ASCC3: variants seen among roughly 807,000 people sequenced by gnomAD.
The protein encoded by ASCC3 is activating signal cointegrator 1 complex subunit 3, also known as ASC-1 complex subunit P200.
A neutral mutation model predicts 256.3 loss-of-function variants in ASCC3; 158 were observed. That is an observed-to-expected ratio of 0.62 (90% CI 0.54 to 0.70). The LOEUF (loss-of-function observed/expected upper bound fraction) is 0.70. Among genes scored for constraint, ASCC3 ranks in the 30% least tolerant of loss-of-function variants. The pLI is 0.00. For missense variants in ASCC3, 2,259 were observed against 2,626.0 expected (o/e 0.86, Z 3.05); for synonymous variants, 948 against 883.4 (o/e 1.07, Z -1.30).
chr6:100,872,540 G>C (rs1425560226), intron 1 of ASCC3, among the ~76,000 whole-genome samples: 1 of 151,998 alleles, frequency 6.6e-6, no homozygotes, highest in Non-Finnish European at 1.5e-5. Context: ...ACCGTGTGGA[G>C]TCTTGCATTG....
At chr6:100,788,139 A>G (rs1769180236) in intron 8 of ASCC3, among the ~76,000 whole-genome samples, 1 of 152,002 alleles carries the variant, frequency 6.6e-6, no homozygotes, top group African/African-American at 2.4e-5. Context: ...AAAACAAATT[A>G]CTCAATTAAA....
chr6:100,540,446 T>A, intron 36 of ASCC3, 59 bp from the exon 37 acceptor site: 1 of 1,354,020 alleles, frequency 7.4e-7, no homozygotes, highest in Non-Finnish European at 1.0e-6. Context: ...AATGTACTTC[T>A]TAGCTTTACT....
In ASCC3 at chr6:100,823,652, T is replaced by A. The variant is rs144269946; in HGVS notation, c.802-17772A>T. Among the ~76,000 whole-genome samples the A allele has an allele frequency of 1.1e-4, 16 of 152,290 alleles. 1 individual carries two copies. The highest frequency in any genetic ancestry group is 3.6e-4 in the African/African-American group (15 of 41,550). On this transcript the variant is annotated intron_variant, in intron 4 of 41. Coordinates refer to ENST00000369162, the MANE Select transcript of ASCC3 (RefSeq NM_006828.4). ...GCCTTATTCTTAAAATTAAATTTTT[T>A]AAGTAGTTTTTCATAAAATTCATGA...
At chr6:100,774,982 T>C (rs1021410543) in intron 8 of ASCC3, among the ~76,000 whole-genome samples, 1 of 151,778 alleles carries the variant, frequency 6.6e-6, no homozygotes, top group African/African-American at 2.4e-5. Context: ...TGAAAAGGAG[T>C]AGCAAAGATG....
chr6:100,850,098 C>CAAAAAAAAAA (rs61582863), intron 3 of ASCC3, among the ~76,000 whole-genome samples: 25 of 80,610 alleles, frequency 3.1e-4, no homozygotes, highest in Admixed American at 5.0e-4. Flanking sequence ...GAGACTCTAT[C>CAAAAAAAAAA]AAAAAAAAAA....
intron 39 of ASCC3, among the ~76,000 whole-genome samples, chr6:100,513,267 T>C (rs1165355470): frequency 6.6e-6 from 1 of 152,188 alleles, no homozygotes; most frequent in Non-Finnish European, 1.5e-5. Context: ...TTTGTAAAAA[T>C]AACTAAAAGA....
intron 10 of ASCC3, among the ~76,000 whole-genome samples, chr6:100,764,916 A>G (rs908832909): frequency 6.6e-6 from 1 of 152,178 alleles, no homozygotes; most frequent in Non-Finnish European, 1.5e-5. Flanking sequence ...AATTAAGGAA[A>G]GGTTGTTAAG....
intron 8 of ASCC3, among the ~76,000 whole-genome samples, chr6:100,777,174 T>C (rs370683127): frequency 2.0e-4 from 31 of 152,300 alleles, no homozygotes; most frequent in African/African-American, 7.0e-4. Flanking sequence ...GATTTTCTTT[T>C]AGATAACTGG....
chr6:100,701,852 C>T (rs1051510778), intron 13 of ASCC3, among the ~76,000 whole-genome samples: 4 of 151,846 alleles, frequency 2.6e-5, no homozygotes, highest in Non-Finnish European at 5.9e-5. Context: ...ATGTGTGAGT[C>T]ATAGGGAACA....
At chr6:100,550,256 G>C (rs1266992486) in intron 36 of ASCC3, among the ~76,000 whole-genome samples, 1 of 151,722 alleles carries the variant, frequency 6.6e-6, no homozygotes, top group African/African-American at 2.4e-5. Context: ...AAATTCAATA[G>C]CTATTTTAGT....
At chr6:100,708,039 A>T (rs1778685819) in intron 13 of ASCC3, among the ~76,000 whole-genome samples, 1 of 152,012 alleles carries the variant, frequency 6.6e-6, no homozygotes, top group Non-Finnish European at 1.5e-5. Context: ...TGTATTCCCA[A>T]CTTCTCACAA....
chr6:100,587,702 T>C (rs1359611166), intron 36 of ASCC3, among the ~76,000 whole-genome samples: 1 of 152,226 alleles, frequency 6.6e-6, no homozygotes, highest in African/African-American at 2.4e-5. Flanking sequence ...TTTCAGATGG[T>C]TCCATTTATT....
At chr6:100,692,706 A>T (rs1412898842) in intron 13 of ASCC3, among the ~76,000 whole-genome samples, 1 of 152,052 alleles carries the variant, frequency 6.6e-6, no homozygotes. Flanking sequence ...GGTGGGAAAA[A>T]ACTTTGAAAT....
intron 30 of ASCC3, among the ~76,000 whole-genome samples, chr6:100,618,444 T>C (rs1773774732): frequency 6.6e-6 from 1 of 152,216 alleles, no homozygotes; most frequent in African/African-American, 2.4e-5. Context: ...AAGAGCATTG[T>C]GCAATATGCT....
intron 8 of ASCC3, among the ~76,000 whole-genome samples, chr6:100,778,820 C>A (rs1054022567): frequency 6.6e-6 from 1 of 151,966 alleles, no homozygotes; most frequent in African/African-American, 2.4e-5. Flanking sequence ...GAAGAGTAAA[C>A]CATATCCAAT....
intron 36 of ASCC3, among the ~76,000 whole-genome samples, chr6:100,576,134 T>G (rs1770846351): frequency 6.6e-6 from 1 of 152,052 alleles, no homozygotes; most frequent in Admixed American, 6.6e-5. Flanking sequence ...GCAAGACAGA[T>G]GTAATGTCAC....
intron 37 of ASCC3, among the ~76,000 whole-genome samples, chr6:100,521,269 T>C (rs1405755834): frequency 6.6e-6 from 1 of 152,162 alleles, no homozygotes; most frequent in East Asian, 1.9e-4. Flanking sequence ...GTAATTTGAA[T>C]ACGCCAAAGG....
At chr6:100,735,761 T>C (rs771911197) in intron 10 of ASCC3, among the ~76,000 whole-genome samples, 5 of 152,108 alleles carry the variant, frequency 3.3e-5, no homozygotes, top group Non-Finnish European at 5.9e-5. Context: ...AAAGACATAG[T>C]ATTATGCACT....
At chr6:100,521,197 A>G (rs556609091) in intron 37 of ASCC3, among the ~76,000 whole-genome samples, 20 of 152,172 alleles carry the variant, frequency 1.3e-4, no homozygotes, top group African/African-American at 4.3e-4. Flanking sequence ...TCTGTAGGGA[A>G]TATATTCTAA....
Sources: allele counts gnomAD v4.1 joint callset (sites outside exome capture counted in the v4.1 genomes callset), GRCh38; gene constraint gnomAD v4.1.1; transcripts MANE v1.5; gene names NCBI Gene and HGNC (gene_info 2026-07-23, HGNC 2026-07-21).